The following COX10 variants were observed in gnomAD, a reference collection of about 807,000 sequenced individuals.
The protein encoded by COX10 is cytochrome c oxidase assembly factor heme A:farnesyltransferase COX10.
COX10 carries 27 observed loss-of-function variants against 37.3 expected under a neutral mutation model. That is an observed-to-expected ratio of 0.72 (90% confidence interval 0.53 to 1.00). COX10 has a LOEUF of 1.00. COX10 is among the 50% of genes least tolerant of loss of function. COX10 has a pLI of 0.00. For synonymous variants in COX10, 222 were observed against 229.1 expected (o/e 0.97, Z 0.28); for missense variants, 475 against 563.2 (o/e 0.84, Z 1.59).
chr17:14,127,673 T>G (rs1271180087), intron 4 of COX10, among the ~76,000 whole-genome samples: 1 of 152,188 alleles, frequency 6.6e-6, no homozygotes, highest in East Asian at 1.9e-4. Context: ...GCATTGAGAA[T>G]GTATGCATTG....
rs1432217733 is a variant in COX10 at position 14,077,014 on chromosome 17, T to C, written c.457T>C (p.Leu153=). The C allele has an allele frequency of 3.1e-6, 5 of 1,614,012 alleles. No individual in the cohort carries two copies. The highest frequency in any genetic ancestry group is 4.2e-6 in the Non-Finnish European group (5 of 1,180,026). ...AGAGATGAAGCTGCAAGTGTATGATTTGCCAGGAATTTTGGCTCGACTATC... is the reference window on the plus strand; with the variant it reads ...AGAGATGAAGCTGCAAGTGTATGATCTGCCAGGAATTTTGGCTCGACTATC... ...WKEMKLQVYD[L]PGILARLSKI... is the part of the protein sequence containing the mutation. The change falls in exon 3 of 7, where the codon TTG becomes CTG. Residue 153 remains leucine (L), a synonymous_variant. Coordinates refer to ENST00000261643, the MANE Select transcript of COX10 (RefSeq NM_001303.4).
chr17:14,115,941 C>T (rs192119112), intron 4 of COX10, among the ~76,000 whole-genome samples: 7 of 152,196 alleles, frequency 4.6e-5, no homozygotes, highest in Non-Finnish European at 1.5e-5. Flanking sequence ...TTGATGAATA[C>T]CCTAAGAGCC....
chr17:14,073,257 T>C (rs1244540662), intron 1 of COX10, among the ~76,000 whole-genome samples: 1 of 152,204 alleles, frequency 6.6e-6, no homozygotes, highest in Non-Finnish European at 1.5e-5. Context: ...GAATGTAAGA[T>C]GATCAGTAAA....
At chr17:14,080,488 C>T (rs1268344973) in intron 3 of COX10, among the ~76,000 whole-genome samples, 3 of 152,134 alleles carry the variant, frequency 2.0e-5, no homozygotes, top group African/African-American at 7.2e-5. Context: ...GCTGGGATTA[C>T]AGGCGTGAGC....
At chr17:14,076,185 A>G (rs886599579) in intron 2 of COX10, among the ~76,000 whole-genome samples, 13 of 138,602 alleles carry the variant, frequency 9.4e-5, no homozygotes, top group East Asian at 8.4e-4. Context: ...GTGCAATCAC[A>G]GCTCAATCTC....
intron 5 of COX10, chr17:14,177,179 G>A (rs1300711622): frequency 1.4e-5 from 10 of 689,720 alleles, no homozygotes; most frequent in African/African-American, 3.5e-5. Flanking sequence ...GGAATGTCTC[G>A]TCTTCTTCAT....
intron 5 of COX10, among the ~76,000 whole-genome samples, chr17:14,178,629 G>A (rs946425823): frequency 6.6e-6 from 1 of 151,232 alleles, no homozygotes; most frequent in Non-Finnish European, 1.5e-5. Flanking sequence ...CACTTCACTA[G>A]TTGCAGCTCA....
chr17:14,119,823 CTA>C (rs1170943265), intron 4 of COX10, among the ~76,000 whole-genome samples: 4 of 146,132 alleles, frequency 2.7e-5, no homozygotes, highest in African/African-American at 5.1e-5. Context: ...GTCTTATAGA[CTA>C]TGTTAAGATT....
chr17:14,153,185 C>A (rs1237923033), intron 4 of COX10, among the ~76,000 whole-genome samples: 2 of 152,198 alleles, frequency 1.3e-5, no homozygotes, highest in Non-Finnish European at 2.9e-5. Flanking sequence ...TTCAGCCGTA[C>A]TAAACTTCCA....
At chr17:14,128,457 T>C (rs1302031522) in intron 4 of COX10, among the ~76,000 whole-genome samples, 1 of 152,214 alleles carries the variant, frequency 6.6e-6, no homozygotes, top group South Asian at 2.1e-4. Context: ...GTGTTCTTTT[T>C]ATTCTATTTT....
chr17:14,093,737 G>A (rs567897540), intron 3 of COX10, among the ~76,000 whole-genome samples: 130 of 152,286 alleles, frequency 8.5e-4, no homozygotes, highest in African/African-American at 2.9e-3. Flanking sequence ...AGGAAGAAGC[G>A]TCATCATGGA....
chr17:14,180,709 C>T lies in COX10; in HGVS notation c.696-11280C>T, dbSNP rs186306839. On this transcript the variant is annotated intron_variant, in intron 5 of 6. Transcript: ENST00000261643. ...ATCACTTGTAGCCAATTAAAACATA[C>T]GTTTTAGGAGCAAATATCTTTTACT... Among the ~76,000 whole-genome samples, 879 of 152,206 alleles carry T rather than the reference C, an allele frequency of 5.8e-3. 8 individuals are homozygous for T. The highest frequency in any genetic ancestry group is 0.019 in the African/African-American group (789 of 41,508).
intron 4 of COX10, among the ~76,000 whole-genome samples, chr17:14,127,343 G>A (rs941470096): frequency 2.0e-5 from 3 of 152,078 alleles, no homozygotes; most frequent in African/African-American, 7.2e-5. Flanking sequence ...GATAGAGTTC[G>A]AGACAGCTCA....
chr17:14,172,289 C>G (rs1905494572), intron 5 of COX10, among the ~76,000 whole-genome samples: 1 of 152,116 alleles, frequency 6.6e-6, no homozygotes, highest in African/African-American at 2.4e-5. Flanking sequence ...AGTGGGATTA[C>G]TAGATCAAAT....
intron 4 of COX10, among the ~76,000 whole-genome samples, chr17:14,110,374 G>T (rs1382395648): frequency 6.6e-6 from 1 of 152,110 alleles, no homozygotes; most frequent in Non-Finnish European, 1.5e-5. Context: ...GTGGAATTAT[G>T]TATGAGGTTC....
intron 4 of COX10, among the ~76,000 whole-genome samples, chr17:14,143,697 A>G (rs1242901355): frequency 1.3e-5 from 2 of 152,186 alleles, no homozygotes; most frequent in Non-Finnish European, 2.9e-5. Flanking sequence ...GGTGTTATTG[A>G]ACATTTTCAA....
intron 3 of COX10, among the ~76,000 whole-genome samples, chr17:14,081,279 A>G (rs987188878): frequency 6.6e-6 from 1 of 152,228 alleles, no homozygotes; most frequent in African/African-American, 2.4e-5. Context: ...GTGGTGGTCA[A>G]CTGAGAAACG....
At chr17:14,132,324 C>T (rs1055142070) in intron 4 of COX10, among the ~76,000 whole-genome samples, 7 of 151,852 alleles carry the variant, frequency 4.6e-5, no homozygotes, top group African/African-American at 7.2e-5. Context: ...TAAATTCTGA[C>T]GGAGAATCCG....
At chr17:14,198,122 G>C (rs111718285) in intron 6 of COX10, among the ~76,000 whole-genome samples, 1 of 152,120 alleles carries the variant, frequency 6.6e-6, no homozygotes, top group African/African-American at 2.4e-5. Flanking sequence ...AGGAACTGCC[G>C]CACTTGGTTT....
Sources: allele counts gnomAD v4.1 joint callset (sites outside exome capture counted in the v4.1 genomes callset), GRCh38; gene constraint gnomAD v4.1.1; transcripts MANE v1.5; gene names NCBI Gene and HGNC (gene_info 2026-07-23, HGNC 2026-07-21).